CSPP1: variants seen among roughly 807,000 people sequenced by gnomAD.
CSPP1 encodes the protein centrosome and spindle pole associated protein 1.
CSPP1 carries 126 observed loss-of-function variants against 164.4 expected under a neutral mutation model. The ratio of observed to expected loss-of-function variants is 0.77; its 90% CI spans 0.66 to 0.89. CSPP1 has a LOEUF of 0.89. CSPP1 is among the 40% of genes least tolerant of loss of function. The probability of loss-of-function intolerance (pLI) is 0.00; values close to 1 mark genes in which losing one functional copy is unlikely to be tolerated. For synonymous variants in CSPP1, 472 were observed against 476.7 expected (o/e 0.99, Z 0.13); for missense variants, 1,395 against 1,449.8 (o/e 0.96, Z 0.61).
At chr8:67,167,915 A>T (rs1366526538) in intron 24 of CSPP1, among the ~76,000 whole-genome samples, 2 of 152,200 alleles carry the variant, frequency 1.3e-5, no homozygotes, top group African/African-American at 4.8e-5. Context: ...CAGAGGCTGC[A>T]ATCTTGGCAC....
At chr8:67,085,116 C>G (rs1481097167) in intron 3 of CSPP1, among the ~76,000 whole-genome samples, 2 of 152,018 alleles carry the variant, frequency 1.3e-5, no homozygotes, top group East Asian at 1.9e-4. Flanking sequence ...CAAAAATTAA[C>G]ATCCATTTAC....
intron 7 of CSPP1, among the ~76,000 whole-genome samples, chr8:67,097,497 G>A (rs2129545933): frequency 6.6e-6 from 1 of 152,218 alleles, no homozygotes; most frequent in East Asian, 1.9e-4. Context: ...ATGCTTATAT[G>A]TAAGGTAATT....
At chr8:67,148,807 A>G (rs1410239482) in intron 17 of CSPP1, among the ~76,000 whole-genome samples, 1 of 152,170 alleles carries the variant, frequency 6.6e-6, no homozygotes, top group Admixed American at 6.5e-5. Flanking sequence ...TAAGTTCTGT[A>G]ATCATTCAGT....
At chr8:67,178,787 A>T (rs1046071089) in intron 27 of CSPP1, among the ~76,000 whole-genome samples, 1 of 152,158 alleles carries the variant, frequency 6.6e-6, no homozygotes, top group African/African-American at 2.4e-5. Context: ...AGTTGGGCAC[A>T]TGGGGCAGGG....
At chr8:67,184,609 CAGCTATCTGGGAGGCTG>C (rs1833919189) in intron 28 of CSPP1, among the ~76,000 whole-genome samples, 1 of 151,660 alleles carries the variant, frequency 6.6e-6, no homozygotes, top group Non-Finnish European at 1.5e-5. Context: ...CCTGTAGTCC[CAGCTATCTGGGAGGCTG>C]AGGCAGGAGA....
intron 4 of CSPP1, among the ~76,000 whole-genome samples, chr8:67,091,308 T>C (rs1160070462): frequency 6.6e-6 from 1 of 152,186 alleles, no homozygotes; most frequent in Non-Finnish European, 1.5e-5. Context: ...TGAACAAGAT[T>C]GGAGGAACAC....
chr8:67,185,997 G>A (rs1051256439), intron 28 of CSPP1, among the ~76,000 whole-genome samples: 10 of 152,170 alleles, frequency 6.6e-5, no homozygotes, highest in Admixed American at 3.3e-4. Context: ...GGAAAAGGTG[G>A]TTCTCTTCCC....
At chr8:67,081,009 T>A (rs1037497267) in intron 3 of CSPP1, 2 of 152,240 alleles carry the variant, frequency 1.3e-5, no homozygotes, top group Non-Finnish European at 2.9e-5. Context: ...TGATGTCACA[T>A]GGCGCAAAGG....
intron 3 of CSPP1, chr8:67,083,994 A>G (rs1160530630): frequency 6.6e-6 from 1 of 152,206 alleles, no homozygotes; most frequent in Non-Finnish European, 1.5e-5. Context: ...GGTTAAAGTT[A>G]TGTGCCAGCA....
In CSPP1 at chr8:67,095,733, G is replaced by C. The variant is rs863225194; in HGVS notation, c.923+1G>C. ...TTTCGAGAGTGTATACAAATGACAG[G>C]TATTTACAACTTCATTTTTATTTTA... is the stretch of plus-strand genomic sequence containing the variant. On this transcript the variant is annotated splice_donor_variant, in intron 7 of 30. Transcript: ENST00000678616. LOFTEE classifies it high-confidence loss of function. 3 of 1,513,042 alleles carry C rather than the reference G, an allele frequency of 2.0e-6. No homozygotes were observed. Among genetic ancestry groups the C allele is most frequent in the Non-Finnish European group, 2.7e-6 (3 of 1,113,726 alleles). 93.7% of individuals were successfully genotyped at this position (1,513,042 alleles called of 1,614,324 possible). A position where few individuals can be genotyped will look rare whatever the true frequency, so the allele number is the denominator to read the frequency against.
In CSPP1 at chr8:67,195,680, T is replaced by A; in HGVS notation, c.*87T>A. On this transcript the variant is annotated 3_prime_UTR_variant, in exon 31 of 31. Coordinates refer to ENST00000678616, the MANE Select transcript of CSPP1 (RefSeq NM_001382391.1). ...TTTAATATGTCCTACTTTTGGCCCC[T>A]ACCTGAAAGTTACTTTTTTTCCATC... The A allele has an allele frequency of 9.3e-7, 1 of 1,073,216 alleles. No individual in the cohort carries two copies. Among genetic ancestry groups the A allele is most frequent in the Non-Finnish European group, 1.4e-6 (1 of 733,210 alleles). The allele number at this position is 1,073,216 out of a possible 1,614,324, so 66.5% of individuals were successfully genotyped here. A position where few individuals can be genotyped will look rare whatever the true frequency, so the allele number is the denominator to read the frequency against.
Position 67,115,933 on chromosome 8 carries a change from T to C in CSPP1, c.1307T>C (p.Phe436Ser). Residue 436 changes from phenylalanine to serine, a missense_variant, in exon 13 of 31, where the codon TTT (phenylalanine) becomes TCT (serine). Transcript: ENST00000678616. Reference protein sequence around the residue: ...SKEEPDRLKQFSVAPRHFEEM... With the variant: ...SKEEPDRLKQSSVAPRHFEEM... ...TTTTAGCCTGATAGACTAAAGCAGT[T>C]TAGTGTGGCACCAAGACACTTTGAA... is the stretch of plus-strand genomic sequence containing the variant. 6.2e-7 allele frequency: 1 copy of C among 1,613,890 alleles called. No individual in the cohort carries two copies. The highest frequency in any genetic ancestry group is 8.5e-7 in the Non-Finnish European group (1 of 1,179,840).
intron 8 of CSPP1, among the ~76,000 whole-genome samples, chr8:67,103,349 T>C (rs536318161): frequency 6.6e-6 from 1 of 152,318 alleles, no homozygotes; most frequent in East Asian, 1.9e-4. Context: ...AAGTTTTGGT[T>C]ATAAAGTGTG....
At chr8:67,145,500 C>T (rs548140926) in intron 17 of CSPP1, among the ~76,000 whole-genome samples, 1 of 149,470 alleles carries the variant, frequency 6.7e-6, no homozygotes, top group African/African-American at 2.5e-5. Flanking sequence ...GCTTACTTTT[C>T]TCCCTTTTCT....
chr8:67,182,666 G>T (rs552141530), intron 28 of CSPP1, among the ~76,000 whole-genome samples: 1 of 152,158 alleles, frequency 6.6e-6, no homozygotes, highest in Non-Finnish European at 1.5e-5. Flanking sequence ...TTTTTGAATA[G>T]TAGCAATCCT....
chr8:67,093,382 A>G (rs1400129386), intron 5 of CSPP1, among the ~76,000 whole-genome samples, 161 bp from the exon 6 acceptor site: 1 of 152,200 alleles, frequency 6.6e-6, no homozygotes, highest in Non-Finnish European at 1.5e-5. Context: ...GACTTCTCCC[A>G]TGCCTTTCAG....
At position 67,195,949 on chromosome 8, in the gene CSPP1, C is replaced by T. The variant is rs1278615082; in HGVS notation, c.*356C>T. 5.4e-6 allele frequency: 1 copy of T among 183,960 alleles called. No homozygotes were observed. Among genetic ancestry groups the T allele is most frequent in the Non-Finnish European group, 1.1e-5 (1 of 87,114 alleles). 11.4% of individuals were successfully genotyped at this position (183,960 alleles called of 1,614,324 possible). A position where few individuals can be genotyped will look rare whatever the true frequency, so the allele number is the denominator to read the frequency against. ...ACCGGACTCCCCTTTGTTACATGCA[C>T]ATTTTCCATTGTTACCTCGATGCAA... On this transcript the variant is annotated 3_prime_UTR_variant, in exon 31 of 31. Coordinates refer to ENST00000678616, the MANE Select transcript of CSPP1 (RefSeq NM_001382391.1).
chr8:67,158,744 T>C, intron 20 of CSPP1, 148 bp downstream of exon 20: 4 of 1,163,156 alleles, frequency 3.4e-6, no homozygotes, highest in Non-Finnish European at 4.7e-6. Flanking sequence ...GATATTATTT[T>C]ATTAAGGTGA....
At chr8:67,105,865 G>T in intron 8 of CSPP1, 40 bp from the exon 9 acceptor site, 1 of 1,160,702 alleles carries the variant, frequency 8.6e-7, no homozygotes, top group Non-Finnish European at 1.3e-6. Flanking sequence ...AAATTATCTG[G>T]ATTTTAATTT....
Sources: gnomAD v4.1 joint callset for allele counts (sites outside exome capture counted in the v4.1 genomes callset) on GRCh38, gnomAD v4.1.1 for gene constraint, MANE v1.5 for transcripts, NCBI Gene and HGNC (gene_info 2026-07-23, HGNC 2026-07-21) for gene names.